DYNC2I1: variants seen among roughly 807,000 people sequenced by gnomAD.
DYNC2I1 encodes cytoplasmic dynein 2 intermediate chain 1.
Under a neutral mutation model 133.4 loss-of-function variants are expected in DYNC2I1, and 89 were observed. The ratio of observed to expected loss-of-function variants is 0.67; its 90% CI spans 0.56 to 0.80. DYNC2I1 has a LOEUF of 0.80. DYNC2I1 is among the 30% of genes least tolerant of loss of function. The probability of loss-of-function intolerance (pLI) is 0.00; values close to 1 mark genes in which losing one functional copy is unlikely to be tolerated. For synonymous variants in DYNC2I1, 504 were observed against 484.3 expected (o/e 1.04, Z -0.54); for missense variants, 1,291 against 1,314.5 (o/e 0.98, Z 0.28).
chr7:158,867,417 G>A (rs1842504466), intron 1 of DYNC2I1, among the ~76,000 whole-genome samples: 1 of 152,242 alleles, frequency 6.6e-6, no homozygotes, highest in Non-Finnish European at 1.5e-5. Context: ...AGCAGGAGCG[G>A]CACAGAAGAA....
chr7:158,920,740 T>A (rs1043925573), intron 15 of DYNC2I1, among the ~76,000 whole-genome samples: 6 of 152,332 alleles, frequency 3.9e-5, no homozygotes, highest in South Asian at 2.1e-4. Context: ...AGAAGGAATA[T>A]GAGACTGCAA....
chr7:158,890,596 C>T (rs532896474), intron 7 of DYNC2I1, among the ~76,000 whole-genome samples: 6 of 151,936 alleles, frequency 3.9e-5, no homozygotes, highest in South Asian at 2.1e-4. Flanking sequence ...TGGGTAGTGA[C>T]TTCTTTTTTT....
intron 4 of DYNC2I1, among the ~76,000 whole-genome samples, chr7:158,953,262 G>A (rs111559818): frequency 8.3e-5 from 12 of 145,352 alleles, no homozygotes; most frequent in East Asian, 6.1e-4. Context: ...CTCCTCTCCT[G>A]AATTGAGTGA....
intron 6 of DYNC2I1, among the ~76,000 whole-genome samples, chr7:158,886,219 C>T (rs1215657567): frequency 1.3e-5 from 2 of 152,064 alleles, no homozygotes; most frequent in Non-Finnish European, 2.9e-5. Context: ...TAACCTCTAC[C>T]TCCCTGGTTC....
At chr7:158,870,162 C>G (rs1842751773) in intron 2 of DYNC2I1, among the ~76,000 whole-genome samples, 1 of 152,100 alleles carries the variant, frequency 6.6e-6, no homozygotes, top group Non-Finnish European at 1.5e-5. Context: ...GCAGGGAGTG[C>G]TCACTTCAGG....
At chr7:158,863,514 T>A (rs986724393) in intron 1 of DYNC2I1, among the ~76,000 whole-genome samples, 49 of 151,412 alleles carry the variant, frequency 3.2e-4, no homozygotes, top group African/African-American at 1.1e-3. Flanking sequence ...AGTCAAGAGG[T>A]CATAAAGCAG....
chr7:158,915,627 A>ATATT (rs1563162577), intron 14 of DYNC2I1, among the ~76,000 whole-genome samples: 2 of 90,174 alleles, frequency 2.2e-5, no homozygotes, highest in Admixed American at 1.1e-4. Context: ...ACGCTGGTTG[A>ATATT]CAGGATGATT....
chr7:158,856,744 C>T lies in DYNC2I1; in HGVS notation c.9C>T (p.Pro3=). ...CGGGCCTGCGGGAAGCGATGGAGCC[C>T]GGGAAGGTCGGTGCGGCGCTGGGTC... The part of the protein sequence containing the change: ME[P]GKRRTKDDTW... The change falls in exon 1 of 25, where the codon CCC becomes CCT. Residue 3 remains proline, a synonymous_variant. Coordinates refer to ENST00000407559, the MANE Select transcript of DYNC2I1 (RefSeq NM_018051.5). 4 of 1,234,718 alleles carry T rather than the reference C, an allele frequency of 3.2e-6. No individual in the cohort carries two copies. The highest frequency in any genetic ancestry group is 1.6e-5 in the African/African-American group (1 of 64,416). The allele number at this position is 1,234,718 out of a possible 1,614,324, so 76.5% of individuals were successfully genotyped here. A position where few individuals can be genotyped will look rare whatever the true frequency, so the allele number is the denominator to read the frequency against.
intron 8 of DYNC2I1, among the ~76,000 whole-genome samples, chr7:158,901,479 A>G (rs1313371682): frequency 2.6e-5 from 4 of 152,228 alleles, no homozygotes; most frequent in Non-Finnish European, 5.9e-5. Context: ...TTTGTAAAAC[A>G]CTTAAAAAAT....
At chr7:158,914,796 C>G (rs890373572) in intron 14 of DYNC2I1, among the ~76,000 whole-genome samples, 3 of 152,186 alleles carry the variant, frequency 2.0e-5, no homozygotes, top group Non-Finnish European at 4.4e-5. Flanking sequence ...TCTGACCCCC[C>G]TGCCCACTCC....
chr7:158,884,215 T>G (rs1030781703), intron 5 of DYNC2I1, among the ~76,000 whole-genome samples: 1 of 151,884 alleles, frequency 6.6e-6, no homozygotes, highest in Non-Finnish European at 1.5e-5. Flanking sequence ...CGGCTAATTT[T>G]TGTATTTTTA....
intron 7 of DYNC2I1, among the ~76,000 whole-genome samples, chr7:158,888,848 A>T (rs1162028339): frequency 2.0e-5 from 3 of 151,988 alleles, no homozygotes; most frequent in South Asian, 4.1e-4. Flanking sequence ...GTCATACAGC[A>T]CCTGTTGTTT....
rs144192377 is a variant in DYNC2I1, at chr7:158,898,034, A to C, written c.1060-3705A>C. Among the ~76,000 whole-genome samples the C allele has an allele frequency of 2.6e-5, 4 of 152,252 alleles. No homozygotes were observed. In the East Asian group the frequency reaches 5.8e-4, roughly 22 times the overall value. On this transcript the variant is annotated intron_variant, in intron 8 of 24. Coordinates refer to ENST00000407559, the MANE Select transcript of DYNC2I1 (RefSeq NM_018051.5). ...TAGAAATATGTTGTTTAATCTTCAT[A>C]TATTGTGGGATTTTCCAGTTATTTT...
chr7:158,904,955 C>G (rs1585100127), intron 10 of DYNC2I1: 1 of 274,166 alleles, frequency 3.6e-6, no homozygotes, highest in Non-Finnish European at 7.1e-6. Flanking sequence ...AAGTGCAAAC[C>G]AATATCCAAA....
intron 14 of DYNC2I1, among the ~76,000 whole-genome samples, chr7:158,917,451 C>T: frequency 2.8e-5 from 1 of 35,862 alleles, no homozygotes; most frequent in African/African-American, 1.3e-4. Context: ...CGCTAAACAC[C>T]TCCTGTCCTC....
chr7:158,890,552 T>C (rs1221177034), intron 7 of DYNC2I1, among the ~76,000 whole-genome samples: 1 of 152,194 alleles, frequency 6.6e-6, no homozygotes, highest in South Asian at 2.1e-4. Flanking sequence ...AATAATACTT[T>C]ATACTGTCAC....
chr7:158,841,680 G>T, the DYNC2I1 span, among the ~76,000 whole-genome samples: 1 of 152,096 alleles, frequency 6.6e-6, no homozygotes, highest in Non-Finnish European at 1.5e-5. Context: ...AATTGTTTTG[G>T]GTCCTTTTCT....
intron 8 of DYNC2I1, among the ~76,000 whole-genome samples, chr7:158,898,367 T>C (rs1585078154): frequency 6.6e-6 from 1 of 152,356 alleles, no homozygotes. Context: ...TGGATTCATC[T>C]ATTTCTTCTT....
At chr7:158,841,553 G>T in the DYNC2I1 span, among the ~76,000 whole-genome samples, 5 of 152,128 alleles carry the variant, frequency 3.3e-5, no homozygotes, top group East Asian at 5.8e-4. Flanking sequence ...CTAGCATTCT[G>T]TCACTTCCTA....
Sources: gnomAD v4.1 joint callset for allele counts (sites outside exome capture counted in the v4.1 genomes callset) on GRCh38, gnomAD v4.1.1 for gene constraint, MANE v1.5 for transcripts, NCBI Gene and HGNC (gene_info 2026-07-23, HGNC 2026-07-21) for gene names.